The following PLEKHM2 variants were observed in gnomAD, a reference collection of about 807,000 sequenced individuals.
PLEKHM2 encodes the protein pleckstrin homology domain-containing family M member 2.
In PLEKHM2, 77 loss-of-function variants were observed where a neutral mutation model predicts 116.3. The ratio of observed to expected loss-of-function variants is 0.66; its 90% CI spans 0.55 to 0.80. The LOEUF is 0.80. PLEKHM2 is among the 30% of genes least tolerant of loss of function. The probability of loss-of-function intolerance (pLI) is 0.00; values close to 1 mark genes in which losing one functional copy is unlikely to be tolerated. For synonymous variants in PLEKHM2, 562 were observed against 571.0 expected, an observed-to-expected ratio of 0.98 and a Z score of 0.22; for missense variants, 1,183 against 1,354.9, an observed-to-expected ratio of 0.87 and a Z score of 1.99.
chr1:15,713,941 GT>G (rs566065077), intron 1 of PLEKHM2, among the ~76,000 whole-genome samples: 9,323 of 104,044 alleles, frequency 0.09, 331 homozygotes, highest in African/African-American at 0.15. Flanking sequence ...GCCCAGCCCT[GT>G]TTTTTTTTTT....
At chr1:15,724,103 G>A (rs1283971845) in intron 7 of PLEKHM2, among the ~76,000 whole-genome samples, 2 of 152,178 alleles carry the variant, frequency 1.3e-5, no homozygotes, top group Admixed American at 6.5e-5. Flanking sequence ...GGCTGGGTGG[G>A]GCGGGATGTC....
intron 1 of PLEKHM2, among the ~76,000 whole-genome samples, chr1:15,712,759 C>CG (rs57800802): frequency 3.4e-4 from 1 of 2,960 alleles, no homozygotes; most frequent in Non-Finnish European, 0.014. Context: ...CTCCCCCTGA[C>CG]CCTGCCTCAG....
In PLEKHM2 at chr1:15,730,051, G is replaced by T. The variant is rs894913780; in HGVS notation, c.2208+122G>T. On this transcript the variant is annotated intron_variant, in intron 14 of 19. Coordinates refer to ENST00000375799, the MANE Select transcript of PLEKHM2 (RefSeq NM_015164.4). ...CCATTTCACAATCGCCTACCTGGGCGGGGCGGGGCGGGGCGGGGCGGGGCG... is the reference window on the plus strand; with the variant it reads ...CCATTTCACAATCGCCTACCTGGGCTGGGCGGGGCGGGGCGGGGCGGGGCG... 3 of 320,778 alleles carry T rather than the reference G, an allele frequency of 9.4e-6. No homozygotes were observed. The South Asian group carries it at 1.0e-4, about 11-fold the overall frequency. The allele number at this position is 320,778 out of a possible 1,614,324, so 19.9% of individuals were successfully genotyped here.
chr1:15,689,099 TTAGC>T (rs1640835304), intron 1 of PLEKHM2, among the ~76,000 whole-genome samples: 1 of 151,602 alleles, frequency 6.6e-6, no homozygotes, highest in Non-Finnish European at 1.5e-5. Context: ...AAATACAAAA[TTAGC>T]TAGGTGTGGT....
intron 1 of PLEKHM2, among the ~76,000 whole-genome samples, chr1:15,705,643 G>A (rs1383454852): frequency 6.6e-6 from 1 of 152,036 alleles, no homozygotes; most frequent in Non-Finnish European, 1.5e-5. Context: ...AAATCTCTGC[G>A]GCTCTGCCTT....
chr1:15,730,050 C>T (rs1054708128), intron 14 of PLEKHM2, 121 bp downstream of exon 14: 3 of 1,738 alleles, frequency 1.7e-3, no homozygotes, highest in Non-Finnish European at 1.8e-3. Context: ...CCTACCTGGG[C>T]GGGGCGGGGC....
intron 4 of PLEKHM2, 31 bp downstream of exon 4, chr1:15,718,023 G>A: frequency 1.5e-6 from 2 of 1,377,090 alleles, no homozygotes; most frequent in Non-Finnish European, 2.0e-6. Context: ...GTCTCCCCTA[G>A]CCTCAGAGCT....
upstream of PLEKHM2, among the ~76,000 whole-genome samples, chr1:15,684,034 G>C (rs986463437): frequency 6.6e-6 from 1 of 150,584 alleles, no homozygotes; most frequent in South Asian, 2.1e-4. Flanking sequence ...TGGGGTCCCT[G>C]AAGGAATCTG....
intron 1 of PLEKHM2, among the ~76,000 whole-genome samples, chr1:15,687,751 C>T (rs1431022867): frequency 6.6e-6 from 1 of 152,196 alleles, no homozygotes; most frequent in Non-Finnish European, 1.5e-5. Flanking sequence ...CAGCAGTAGA[C>T]ATTGAGGACA....
At position 15,730,645 on chromosome 1, in the gene PLEKHM2, A is replaced by G. The variant is rs2068129288; in HGVS notation, c.2322A>G (p.Lys774=). The G allele has an allele frequency of 6.2e-7, 1 of 1,610,264 alleles. No individual in the cohort carries two copies. The highest frequency in any genetic ancestry group is 8.5e-7 in the Non-Finnish European group (1 of 1,178,580). The change falls in exon 15 of 20, where the codon AAA becomes AAG. Residue 774 remains lysine, a synonymous_variant. Transcript: ENST00000375799. ...HCSPPEGTIT[K]EGMLHYKAGT... Reference sequence around the variant, plus strand: ...CACCCCCCGAGGGCACCATCACCAAAGAAGGCATGCTGCACTACAAGGCGG... The same window carrying G: ...CACCCCCCGAGGGCACCATCACCAAGGAAGGCATGCTGCACTACAAGGCGG...
rs941155114 is a variant in PLEKHM2, at chr1:15,729,408, G to A, written c.2075+218G>A. 3.9e-5 allele frequency among the ~76,000 whole-genome samples: 6 copies of A among 152,156 alleles called. No homozygotes were observed. The highest frequency in any genetic ancestry group is 1.4e-4 in the African/African-American group (6 of 41,436). ...AGCCCAGGTGACCTCAGCCCCTGGC[G>A]ACTCTTGGGGGTGCTAGCATGAGTT... On this transcript the variant is annotated intron_variant, in intron 13 of 19. Coordinates refer to ENST00000375799, the MANE Select transcript of PLEKHM2 (RefSeq NM_015164.4). This position sits in a 1 kb window ranked among gnomAD's most constrained non-coding sequence, Gnocchi z 4.7.
Position 15,729,977 on chromosome 1 carries a change from CA to C in PLEKHM2, c.2208+49del, listed in dbSNP as rs771556396. 1.3e-6 allele frequency: 2 copies of C among 1,560,880 alleles called. No individual in the cohort carries two copies. Among genetic ancestry groups the C allele is most frequent in the African/African-American group, 2.7e-5 (2 of 72,962 alleles). On this transcript the variant is annotated intron_variant, in intron 14 of 19. Coordinates refer to ENST00000375799, the MANE Select transcript of PLEKHM2 (RefSeq NM_015164.4). This position sits in a 1 kb window ranked among gnomAD's most constrained non-coding sequence, Gnocchi z 4.7. Reference sequence around the variant, plus strand: ...GAGTGCAGCCCCTGAGATGGCAGAGCAGCAGCCGCCTTGGCGTGAGCGTTAA... The same window carrying C: ...GAGTGCAGCCCCTGAGATGGCAGAGCGCAGCCGCCTTGGCGTGAGCGTTAA...
At chr1:15,701,112 T>TG (rs1641100850) in intron 1 of PLEKHM2, among the ~76,000 whole-genome samples, 1 of 36,848 alleles carries the variant, frequency 2.7e-5, no homozygotes, top group Admixed American at 2.7e-4. Context: ...AAACTCTGTC[T>TG]CAAAAAAAAA....
chr1:15,711,534 C>G (rs1641329778), intron 1 of PLEKHM2, among the ~76,000 whole-genome samples: 1 of 151,548 alleles, frequency 6.6e-6, no homozygotes, highest in African/African-American at 2.4e-5. Flanking sequence ...GGAGAATCAC[C>G]TGAACCTGGG....
At chr1:15,711,358 G>A (rs1255959853) in intron 1 of PLEKHM2, among the ~76,000 whole-genome samples, 1 of 152,214 alleles carries the variant, frequency 6.6e-6, no homozygotes, top group African/African-American at 2.4e-5. Context: ...GCTCATGCCT[G>A]TAATCCCCAC....
chr1:15,731,374 G>A (rs1055751443), intron 16 of PLEKHM2, 117 bp downstream of exon 16: 17 of 785,618 alleles, frequency 2.2e-5, no homozygotes, highest in East Asian at 5.3e-5. Context: ...CCCATCCAGC[G>A]GCCCTGACAG....
rs138006407 is a variant in PLEKHM2, at chr1:15,698,201, ATTTTTAT to A, written c.60+13602_60+13608del. 2.7e-3 allele frequency among the ~76,000 whole-genome samples: 404 copies of A among 151,630 alleles called. 1 individual carries two copies. The highest frequency in any genetic ancestry group is 9.2e-3 in the African/African-American group (382 of 41,348). ...GGACAGCATTTTTCTTTTTAATATT[ATTTTTAT>A]TTTTTATTTTTTATTTTTAGAGACA... On this transcript the variant is annotated intron_variant, in intron 1 of 19. Transcript: ENST00000375799.
At chr1:15,691,762 T>C (rs918838447) in intron 1 of PLEKHM2, among the ~76,000 whole-genome samples, 2 of 152,186 alleles carry the variant, frequency 1.3e-5, no homozygotes, top group Non-Finnish European at 2.9e-5. Context: ...TTTCTCATTT[T>C]TCTACTCCTG....
chr1:15,703,388 G>A (rs1641157904), intron 1 of PLEKHM2, among the ~76,000 whole-genome samples: 1 of 152,152 alleles, frequency 6.6e-6, no homozygotes, highest in Non-Finnish European at 1.5e-5. Context: ...CTGTAAATAG[G>A]GAAGTGTGAC....
Sources: allele counts gnomAD v4.1 joint callset (sites outside exome capture counted in the v4.1 genomes callset), GRCh38; gene constraint gnomAD v4.1.1; non-coding constraint Gnocchi (gnomAD v3.1); transcripts MANE v1.5; gene names NCBI Gene and HGNC (gene_info 2026-07-23, HGNC 2026-07-21).